COL21A1: variants seen among roughly 807,000 people sequenced by gnomAD.
The protein encoded by COL21A1 is collagen alpha-1(XXI) chain.
In COL21A1, 149 loss-of-function variants were observed where a neutral mutation model predicts 137.9. The observed-to-expected ratio is 1.08, with a 90% CI of 0.95 to 1.24. The LOEUF is 1.24. Ranked by LOEUF, COL21A1 falls within the 50% of genes most tolerant of loss-of-function variation. The pLI is 0.00. For missense variants in COL21A1, 1,167 were observed against 1,158.4 expected (o/e 1.01, Z -0.11); for synonymous variants, 456 against 391.5 (o/e 1.16, Z -1.95).
chr6:56,072,268 C>T (rs1053913487), intron 20 of COL21A1, among the ~76,000 whole-genome samples: 4 of 151,454 alleles, frequency 2.6e-5, no homozygotes, highest in South Asian at 2.1e-4. Context: ...AATGAACATA[C>T]GTGTGCTTGT....
Position 56,301,749 on chromosome 6 carries a change from G to C in COL21A1, c.-39+92222C>G, listed in dbSNP as rs375167159. 7.9e-5 allele frequency among the ~76,000 whole-genome samples: 12 copies of C among 151,626 alleles called. No individual in the cohort carries two copies. The East Asian group carries it at 1.2e-3, about 15-fold the overall frequency. ...TTATACTTTAAGTTTTAGGGTACAT[G>C]TGCACAACGTGCAGGTTGGTTACAT... is the stretch of plus-strand genomic sequence containing the variant. On this transcript the variant is annotated intron_variant, in intron 1 of 28. Transcript: ENST00000370819.
intron 1 of COL21A1, among the ~76,000 whole-genome samples, chr6:56,346,886 A>G (rs961256962): frequency 1.1e-4 from 16 of 152,060 alleles, no homozygotes; most frequent in Non-Finnish European, 2.4e-4. Flanking sequence ...GTGAGCCTCT[A>G]TCCTCTGCGA....
intron 1 of COL21A1, among the ~76,000 whole-genome samples, chr6:56,270,609 A>C (rs1223410689): frequency 3.3e-5 from 5 of 152,190 alleles, no homozygotes; most frequent in African/African-American, 1.2e-4. Flanking sequence ...CAGTCACAGA[A>C]TATACAAGAA....
intron 17 of COL21A1, among the ~76,000 whole-genome samples, chr6:56,094,096 A>C (rs1483545999): frequency 6.6e-6 from 1 of 152,120 alleles, no homozygotes; most frequent in Non-Finnish European, 1.5e-5. Flanking sequence ...TTTTTGCTTA[A>C]CAGTTCTTTC....
intron 1 of COL21A1, among the ~76,000 whole-genome samples, chr6:56,269,318 C>A (rs546420848): frequency 3.3e-4 from 50 of 152,212 alleles, no homozygotes; most frequent in Middle Eastern, 6.8e-3. Context: ...TCAGATTCAC[C>A]AAAGTCAACA....
chr6:56,269,654 CAAAAAAAAAAAAA>C, intron 1 of COL21A1, among the ~76,000 whole-genome samples: 1 of 64,050 alleles, frequency 1.6e-5, no homozygotes. Flanking sequence ...GACTCCGTCT[CAAAAAAAAAAAAA>C]AAAAAAAAAA....
chr6:56,156,749 G>GTT lies in COL21A1; in HGVS notation c.1434+136_1434+137dup, dbSNP rs1361960338. ...CCCTAGCTCCTTTCGTTCCAACAGA[G>GTT]TTGAGTTCAGTCTCTCCTTCCTATG... On this transcript the variant is annotated intron_variant, in intron 10 of 29. Transcript: ENST00000244728. The GTT allele has an allele frequency of 4.2e-6, 3 of 714,090 alleles. No individual in the cohort carries two copies. The African/African-American group carries it at 5.3e-5, about 13-fold the overall frequency. The allele number at this position is 714,090 out of a possible 1,614,324, so 44.2% of individuals were successfully genotyped here.
chr6:56,270,950 T>G (rs1485888230), intron 1 of COL21A1, among the ~76,000 whole-genome samples: 1 of 152,236 alleles, frequency 6.6e-6, no homozygotes, highest in African/African-American at 2.4e-5. Flanking sequence ...TCAGGTGGTA[T>G]TCTTCACAGC....
intron 1 of COL21A1, among the ~76,000 whole-genome samples, chr6:56,198,828 G>T (rs551069657): frequency 6.6e-6 from 1 of 152,154 alleles, no homozygotes; most frequent in South Asian, 2.1e-4. Context: ...CTTAAAATTT[G>T]TCTTGATATG....
intron 18 of COL21A1, among the ~76,000 whole-genome samples, chr6:56,076,147 T>C (rs1210983626): frequency 5.3e-5 from 8 of 151,460 alleles, no homozygotes; most frequent in Non-Finnish European, 1.0e-4. Flanking sequence ...AGTGGAAGTA[T>C]CTGAGGGTGG....
intron 1 of COL21A1, among the ~76,000 whole-genome samples, chr6:56,276,348 C>A (rs1197605728): frequency 6.6e-6 from 1 of 152,104 alleles, no homozygotes; most frequent in Non-Finnish European, 1.5e-5. Context: ...ACCCCTGCAA[C>A]AAACCTGGAC....
intron 1 of COL21A1, among the ~76,000 whole-genome samples, chr6:56,285,336 A>G (rs1763880166): frequency 6.6e-6 from 1 of 152,214 alleles, no homozygotes; most frequent in Admixed American, 6.5e-5. Context: ...AAGAGCAATC[A>G]GTTAGCAAAT....
intron 1 of COL21A1, among the ~76,000 whole-genome samples, chr6:56,297,681 AC>A (rs768886613): frequency 2.4e-4 from 36 of 152,150 alleles, no homozygotes; most frequent in Non-Finnish European, 4.4e-4. Flanking sequence ...TCCCTAAAAA[AC>A]AAGCATGTTT....
intron 1 of COL21A1, among the ~76,000 whole-genome samples, chr6:56,244,606 C>T (rs949025754): frequency 2.0e-5 from 3 of 152,112 alleles, no homozygotes; most frequent in Non-Finnish European, 4.4e-5. Context: ...TAATGAAGAT[C>T]TGATTTCTTG....
chr6:56,113,296 C>T (rs1771613941), intron 16 of COL21A1, among the ~76,000 whole-genome samples: 1 of 152,178 alleles, frequency 6.6e-6, no homozygotes, highest in South Asian at 2.1e-4. Context: ...CCCCTTCCTT[C>T]TATAATCCTT....
intron 1 of COL21A1, among the ~76,000 whole-genome samples, chr6:56,213,350 C>T (rs987339603): frequency 1.3e-5 from 2 of 152,052 alleles, no homozygotes; most frequent in Non-Finnish European, 2.9e-5. Flanking sequence ...CTTTCCTTGT[C>T]TGAACTCCTC....
chr6:56,171,802 A>C lies in COL21A1; in HGVS notation c.641-674T>G, dbSNP rs562094288. 2.8e-4 allele frequency among the ~76,000 whole-genome samples: 42 copies of C among 151,872 alleles called. 1 individual carries two copies. The highest frequency in any genetic ancestry group is 2.9e-5 in the Non-Finnish European group (2 of 67,894). On this transcript the variant is annotated intron_variant, in intron 3 of 29. Coordinates refer to ENST00000244728, the MANE Select transcript of COL21A1 (RefSeq NM_030820.4). ...TTATAAAGAATATTTTCTTAAGAAT[A>C]ATCATTAGCATTACATAGTCAGCTA...
intron 1 of COL21A1, among the ~76,000 whole-genome samples, chr6:56,232,739 TC>T (rs1229874441): frequency 5.3e-5 from 8 of 151,944 alleles, no homozygotes; most frequent in Non-Finnish European, 1.0e-4. Flanking sequence ...CAAATGCTTT[TC>T]ATAAGAAATT....
rs183915727 is a variant in COL21A1 at position 56,311,397 on chromosome 6, T to C, written c.-39+82574A>G. Among the ~76,000 whole-genome samples, 6 of 152,312 alleles carry C rather than the reference T, an allele frequency of 3.9e-5. No homozygotes were observed. In the East Asian group the frequency reaches 1.2e-3, roughly 29 times the overall value. On this transcript the variant is annotated intron_variant, in intron 1 of 28. Transcript: ENST00000370819. ...CCGCCCTAATTATTGTAATGTGTGC[T>C]CCAGTTCCTTTTCAGATAAGCAGTG...
Sources: gnomAD v4.1 joint callset for allele counts (sites outside exome capture counted in the v4.1 genomes callset) on GRCh38, gnomAD v4.1.1 for gene constraint, MANE v1.5 for transcripts, NCBI Gene and HGNC (gene_info 2026-07-23, HGNC 2026-07-21) for gene names.